ZBTB10: variants seen among roughly 807,000 people sequenced by gnomAD.
ZBTB10 encodes zinc finger and BTB domain-containing protein 10.
ZBTB10 carries 32 observed loss-of-function variants against 76.4 expected under a neutral mutation model. The observed-to-expected ratio is 0.42, with a 90% CI of 0.32 to 0.56. The LOEUF is 0.56. ZBTB10 is among the 20% of genes least tolerant of loss of function. The pLI is 0.14. For synonymous variants in ZBTB10, 523 were observed against 432.9 expected, an observed-to-expected ratio of 1.21 and a Z score of -2.58; for missense variants, 1,057 against 1,098.5, an observed-to-expected ratio of 0.96 and a Z score of 0.53.
At position 80,486,288 on chromosome 8, in the gene ZBTB10, G is replaced by T. The variant is rs962192817; in HGVS notation, c.-523G>T. The T allele has an allele frequency of 1.2e-5, 12 of 1,013,634 alleles. No individual in the cohort carries two copies. The highest frequency in any genetic ancestry group is 1.4e-5 in the Non-Finnish European group (12 of 849,488). 62.8% of individuals were successfully genotyped at this position (1,013,634 alleles called of 1,614,324 possible). On this transcript the variant is annotated 5_prime_UTR_variant, in exon 1 of 6. Transcript: ENST00000455036. ...GAAACGCTCCGCCGGCTTTATTGTCGCTTCGTTATGTGGCGGAGCCGAGCA... is the reference window on the plus strand; with the variant it reads ...GAAACGCTCCGCCGGCTTTATTGTCTCTTCGTTATGTGGCGGAGCCGAGCA...
intron 2 of ZBTB10, among the ~76,000 whole-genome samples, chr8:80,509,210 GA>G (rs1011395746): frequency 3.3e-5 from 5 of 152,152 alleles, no homozygotes; most frequent in South Asian, 4.1e-4. Context: ...TTATGGGGGG[GA>G]AAAGCACCAA....
Position 80,523,407 on chromosome 8 carries a change from G to A in ZBTB10, c.*3879G>A, listed in dbSNP as rs1816488517. ...CATAAAGCAGTTGTTTTGTCACTTT[G>A]ACTATATTAAGACACATCAGTGTAG... On this transcript the variant is annotated 3_prime_UTR_variant, in exon 6 of 6. Transcript: ENST00000455036. 6.6e-6 allele frequency: 1 copy of A among 151,742 alleles called. No individual in the cohort carries two copies. The highest frequency in any genetic ancestry group is 6.6e-5 in the Admixed American group (1 of 15,192). 9.4% of individuals were successfully genotyped at this position (151,742 alleles called of 1,614,324 possible).
Position 80,519,818 on chromosome 8 carries a change from C to A in ZBTB10, c.*290C>A. On this transcript the variant is annotated 3_prime_UTR_variant, in exon 6 of 6. Coordinates refer to ENST00000455036, the MANE Select transcript of ZBTB10 (RefSeq NM_001105539.3). ...AGGATATACAGTAACTATTTGGGTC[C>A]TATGAAAATAGTCCTTAAAGAGCTT... 1 of 241,584 alleles carries A rather than the reference C, an allele frequency of 4.1e-6. No homozygotes were observed. 15.0% of individuals were successfully genotyped at this position (241,584 alleles called of 1,614,324 possible). A position where few individuals can be genotyped will look rare whatever the true frequency, so the allele number is the denominator to read the frequency against.
Position 80,514,020 on chromosome 8 carries a change from A to G in ZBTB10, c.1960+12A>G. 5 of 1,609,376 alleles carry G rather than the reference A, an allele frequency of 3.1e-6. No homozygotes were observed. Among genetic ancestry groups the G allele is most frequent in the Non-Finnish European group, 4.2e-6 (5 of 1,177,580 alleles). On this transcript the variant is annotated intron_variant, in intron 3 of 5. Coordinates refer to ENST00000455036, the MANE Select transcript of ZBTB10 (RefSeq NM_001105539.3). ...TGGAGGTGATGCTGGTAGGTACAGT[A>G]AGATTTTAGCAACAGTACATTTAAG... is the stretch of plus-strand genomic sequence containing the variant.
Position 80,486,831 on chromosome 8 carries a change from C to G in ZBTB10, c.21C>G (p.Asn7Lys). 6.7e-7 allele frequency: 1 copy of G among 1,498,878 alleles called. No homozygotes were observed. Among genetic ancestry groups the G allele is most frequent in the East Asian group, 2.9e-5 (1 of 34,706 alleles). 92.8% of individuals were successfully genotyped at this position (1,498,878 alleles called of 1,614,324 possible). The change falls in exon 1 of 6, where the codon AAC (asparagine) becomes AAG (lysine). Residue 7 changes from asparagine (N) to lysine (K), a missense_variant. Physicochemically the swap from Asn to Lys is moderately conservative, Grantham distance 94. Coordinates refer to ENST00000455036, the MANE Select transcript of ZBTB10 (RefSeq NM_001105539.3). ...GCGCCATGTCGTTCAGTGAAATGAA[C>G]CGCAGGACGCTGGCGTTCCGAGGAG... MSFSEM[N>K]RRTLAFRGGG...
chr8:80,494,125 C>G (rs1316662798), intron 1 of ZBTB10, among the ~76,000 whole-genome samples: 1 of 152,102 alleles, frequency 6.6e-6, no homozygotes. Context: ...TTTGTTCTTT[C>G]AGTATATTCC....
intron 3 of ZBTB10, among the ~76,000 whole-genome samples, chr8:80,516,524 TC>T (rs1360198063): frequency 6.6e-6 from 1 of 152,188 alleles, no homozygotes; most frequent in Non-Finnish European, 1.5e-5. Flanking sequence ...GGCTACCACT[TC>T]CGTTCCATTC....
intron 1 of ZBTB10, among the ~76,000 whole-genome samples, chr8:80,491,909 A>G (rs1815641161): frequency 6.6e-6 from 1 of 152,240 alleles, no homozygotes; most frequent in Non-Finnish European, 1.5e-5. Context: ...CTTTACAGAA[A>G]CTAAGTAATG....
At position 80,519,770 on chromosome 8, in the gene ZBTB10, A is replaced by G. The variant is rs1032611130; in HGVS notation, c.*242A>G. 2.6e-6 allele frequency: 1 copy of G among 384,882 alleles called. No homozygotes were observed. Among genetic ancestry groups the G allele is most frequent in the African/African-American group, 2.0e-5 (1 of 50,148 alleles). 23.8% of individuals were successfully genotyped at this position (384,882 alleles called of 1,614,324 possible). A position where few individuals can be genotyped will look rare whatever the true frequency, so the allele number is the denominator to read the frequency against. On this transcript the variant is annotated 3_prime_UTR_variant, in exon 6 of 6. Coordinates refer to ENST00000455036, the MANE Select transcript of ZBTB10 (RefSeq NM_001105539.3). ...GTCCCCACATACTCAGTCAGTTATC[A>G]AAGTAAAATATTTTTTATTTATAGG...
chr8:80,510,495 T>C (rs914176641), intron 2 of ZBTB10, among the ~76,000 whole-genome samples: 18 of 152,234 alleles, frequency 1.2e-4, no homozygotes, highest in Admixed American at 2.0e-4. Context: ...TAGGGGTTGC[T>C]ACTATCTGTT....
chr8:80,515,699 C>T (rs1453897711), intron 3 of ZBTB10, among the ~76,000 whole-genome samples: 1 of 152,034 alleles, frequency 6.6e-6, no homozygotes, highest in Non-Finnish European at 1.5e-5. Flanking sequence ...GGGGACATTT[C>T]GATTCATTAG....
chr8:80,519,145 G>T, intron 5 of ZBTB10, 78 bp from the exon 6 acceptor site: 1 of 1,463,718 alleles, frequency 6.8e-7, no homozygotes, highest in Non-Finnish European at 9.2e-7. Flanking sequence ...TATTAAATGT[G>T]TGGTTTAATT....
Position 80,500,071 on chromosome 8 carries a change from A to AAAATGATGGTTGTAATGT in ZBTB10, c.1551_1568dup (p.Asn518_Val523dup). Reference sequence around the variant, plus strand: ...AATTTGGCAAGTAATGTAAAGATTGAAAATGATGGTTGTAATGTCGACGAG... The same window carrying AAAATGATGGTTGTAATGT: ...AATTTGGCAAGTAATGTAAAGATTGAAAATGATGGTTGTAATGTAAATGATGGTTGTAATGTCGACGAG... On this transcript the variant is annotated inframe_insertion, in exon 2 of 6. Transcript: ENST00000455036. 6.2e-7 allele frequency: 1 copy of AAAATGATGGTTGTAATGT among 1,614,000 alleles called. No individual in the cohort carries two copies. Among genetic ancestry groups the AAAATGATGGTTGTAATGT allele is most frequent in the Admixed American group, 1.7e-5 (1 of 60,022 alleles).
intron 3 of ZBTB10, among the ~76,000 whole-genome samples, chr8:80,517,333 T>C (rs1816348939): frequency 2.6e-5 from 4 of 152,168 alleles, no homozygotes. Context: ...GCAATAGTTG[T>C]GGAAGATTCT....
chr8:80,502,208 G>A (rs1398848094), intron 2 of ZBTB10, among the ~76,000 whole-genome samples: 1 of 152,058 alleles, frequency 6.6e-6, no homozygotes, highest in Non-Finnish European at 1.5e-5. Flanking sequence ...ATTAATTGGT[G>A]GTCTAATATG....
chr8:80,511,956 A>G (rs759131212), intron 2 of ZBTB10, among the ~76,000 whole-genome samples: 1 of 152,200 alleles, frequency 6.6e-6, no homozygotes, highest in Non-Finnish European at 1.5e-5. Flanking sequence ...TATGATAAAT[A>G]CTAGGAAAAT....
At chr8:80,496,455 CTGT>C (rs1017794361) in intron 1 of ZBTB10, among the ~76,000 whole-genome samples, 4 of 148,224 alleles carry the variant, frequency 2.7e-5, no homozygotes, top group East Asian at 2.0e-4. Flanking sequence ...CAAGAAATTG[CTGT>C]TGTTGGTTAT....
At chr8:80,515,078 G>A (rs1265052046) in intron 3 of ZBTB10, among the ~76,000 whole-genome samples, 2 of 152,184 alleles carry the variant, frequency 1.3e-5, no homozygotes, top group East Asian at 3.9e-4. Flanking sequence ...GGGCCAACTG[G>A]AAATTAGAAT....
At position 80,486,774 on chromosome 8, in the gene ZBTB10, G is replaced by A; in HGVS notation, c.-37G>A. 3.7e-6 allele frequency: 5 copies of A among 1,354,188 alleles called. No homozygotes were observed. Among genetic ancestry groups the A allele is most frequent in the South Asian group, 1.7e-5 (1 of 58,588 alleles). 83.9% of individuals were successfully genotyped at this position (1,354,188 alleles called of 1,614,324 possible). On this transcript the variant is annotated 5_prime_UTR_variant, in exon 1 of 6. Coordinates refer to ENST00000455036, the MANE Select transcript of ZBTB10 (RefSeq NM_001105539.3). Reference sequence around the variant, plus strand: ...GGACGCGGCCCGAGGCCGTGCGCGAGCCGGGGCACCGGGCGGCGGCGGCGG... The same window carrying A: ...GGACGCGGCCCGAGGCCGTGCGCGAACCGGGGCACCGGGCGGCGGCGGCGG...
Sources: gnomAD v4.1 joint callset for allele counts (sites outside exome capture counted in the v4.1 genomes callset) on GRCh38, gnomAD v4.1.1 for gene constraint, MANE v1.5 for transcripts, NCBI Gene and HGNC (gene_info 2026-07-23, HGNC 2026-07-21) for gene names.